MBNL1: variants seen among roughly 807,000 people sequenced by gnomAD.
MBNL1 encodes muscleblind-like protein 1.
MBNL1 carries 8 observed loss-of-function variants against 42.2 expected under a neutral mutation model. The ratio of observed to expected loss-of-function variants is 0.19; its 90% CI spans 0.11 to 0.34. The LOEUF is 0.34. Ranked by LOEUF, MBNL1 falls within the 10% of genes least tolerant of loss-of-function variation. The pLI is 1.00. For missense variants in MBNL1, 309 were observed against 495.3 expected, an observed-to-expected ratio of 0.62 and a Z score of 3.57; for synonymous variants, 169 against 173.9, an observed-to-expected ratio of 0.97 and a Z score of 0.22.
chr3:152,339,115 T>G (rs1469251176), intron 2 of MBNL1, among the ~76,000 whole-genome samples: 6 of 152,204 alleles, frequency 3.9e-5, no homozygotes, highest in Non-Finnish European at 8.8e-5. Flanking sequence ...CTGAAATTCT[T>G]AAATCCATAA....
At chr3:152,408,252 T>G (rs1223126895) in intron 2 of MBNL1, among the ~76,000 whole-genome samples, 1 of 152,178 alleles carries the variant, frequency 6.6e-6, no homozygotes, top group African/African-American at 2.4e-5. Flanking sequence ...GGATATATAC[T>G]ATGTATATTT....
At chr3:152,337,747 C>G (rs962914735) in intron 2 of MBNL1, among the ~76,000 whole-genome samples, 4 of 151,780 alleles carry the variant, frequency 2.6e-5, no homozygotes, top group Admixed American at 1.3e-4. Flanking sequence ...CACTGCTTAT[C>G]TACTTGCTTC....
At chr3:152,437,539 C>T (rs2099094975) in intron 4 of MBNL1, among the ~76,000 whole-genome samples, 1 of 152,080 alleles carries the variant, frequency 6.6e-6, no homozygotes, top group South Asian at 2.1e-4. Flanking sequence ...TCTCTAAGGT[C>T]ACTTCCAGTT....
At chr3:152,250,640 G>C (rs934075434) in intron 2 of MBNL1, among the ~76,000 whole-genome samples, 1 of 150,534 alleles carries the variant, frequency 6.6e-6, no homozygotes, top group South Asian at 2.1e-4. Context: ...GCCCTGGCCA[G>C]AACTTCCAAC....
At chr3:152,345,461 A>T (rs893651123) in intron 2 of MBNL1, among the ~76,000 whole-genome samples, 4 of 152,158 alleles carry the variant, frequency 2.6e-5, no homozygotes, top group Non-Finnish European at 2.9e-5. Flanking sequence ...AGTGTTTGGT[A>T]ATCATCACCA....
At chr3:152,424,323 A>G (rs1380220281) in intron 3 of MBNL1, among the ~76,000 whole-genome samples, 3 of 152,222 alleles carry the variant, frequency 2.0e-5, no homozygotes, top group Non-Finnish European at 4.4e-5. Context: ...CCCATTCACA[A>G]TTGCTACAAA....
At chr3:152,309,658 A>G (rs532968683) in intron 2 of MBNL1, among the ~76,000 whole-genome samples, 5 of 152,348 alleles carry the variant, frequency 3.3e-5, no homozygotes, top group Admixed American at 2.0e-4. Flanking sequence ...ATTTTCTGCA[A>G]AAATACAGAC....
rs1299296526 is a variant in MBNL1 at position 152,287,305 on chromosome 3, CAG to C, written c.-789-12097_-789-12096del. On this transcript the variant is annotated intron_variant, in intron 1 of 9. Transcript: ENST00000324210. Reference sequence around the variant, plus strand: ...TTTAAAATAATATTAATAATCATAACAGAGCTTTTTTGTAACATTTTATAAGC... The same window carrying C: ...TTTAAAATAATATTAATAATCATAACAGCTTTTTTGTAACATTTTATAAGC... Among the ~76,000 whole-genome samples the C allele has an allele frequency of 7.2e-5, 11 of 151,918 alleles. No homozygotes were observed. In the South Asian group the frequency reaches 1.5e-3, roughly 20 times the overall value.
At chr3:152,269,260 GC>G (rs1164347314) in intron 1 of MBNL1, 168 bp downstream of exon 1, 3 of 353,706 alleles carry the variant, frequency 8.5e-6, no homozygotes, top group African/African-American at 6.5e-5. Context: ...AGCACCTCCT[GC>G]CCGGGGGAAG....
intron 2 of MBNL1, among the ~76,000 whole-genome samples, chr3:152,374,131 A>T (rs1367324849): frequency 6.6e-6 from 1 of 152,240 alleles, no homozygotes. Context: ...AAGATTAAAG[A>T]TAAAAGAAAT....
intron 2 of MBNL1, chr3:152,335,172 A>C (rs2088856799): frequency 7.8e-7 from 1 of 1,289,582 alleles, no homozygotes; most frequent in African/African-American, 1.5e-5. Context: ...GCACCATGGC[A>C]AGAAGAAGCT....
intron 4 of MBNL1, among the ~76,000 whole-genome samples, chr3:152,439,905 G>A (rs1356626202): frequency 6.6e-6 from 1 of 152,110 alleles, no homozygotes; most frequent in Non-Finnish European, 1.5e-5. Context: ...GGCTAATTTG[G>A]TGTATTGACA....
At chr3:152,268,858 C>T (rs1449649158), upstream of MBNL1, 1 of 423,720 alleles carries the variant, frequency 2.4e-6, no homozygotes, top group Admixed American at 2.7e-5. Flanking sequence ...GCTGGGCGGG[C>T]GGGGGAGGGG....
chr3:152,270,341 G>A (rs1290514985), intron 1 of MBNL1, among the ~76,000 whole-genome samples: 1 of 152,052 alleles, frequency 6.6e-6, no homozygotes, highest in African/African-American at 2.4e-5. Context: ...TTAGACTTTC[G>A]AGCCCTCTGC....
intron 2 of MBNL1, among the ~76,000 whole-genome samples, chr3:152,402,049 G>T (rs1423546127): frequency 7.2e-6 from 1 of 138,576 alleles, no homozygotes; most frequent in African/African-American, 2.7e-5. Context: ...AAAAAAAAAA[G>T]ATTTACTAGA....
intron 2 of MBNL1, among the ~76,000 whole-genome samples, chr3:152,403,125 T>TGGTGTGATA (rs2098297959): frequency 6.6e-6 from 1 of 151,954 alleles, no homozygotes; most frequent in African/African-American, 2.4e-5. Context: ...TAAATGTTGT[T>TGGTGTGATA]GGTGTGATAG....
At chr3:152,289,422 G>T (rs2054519835) in intron 1 of MBNL1, among the ~76,000 whole-genome samples, 1 of 151,956 alleles carries the variant, frequency 6.6e-6, no homozygotes, top group Admixed American at 6.6e-5. Flanking sequence ...TTCTTCCAAG[G>T]ATATTTAAGT....
Position 152,464,521 on chromosome 3 carries a change from T to C in MBNL1, c.*2155T>C, listed in dbSNP as rs1026626299. On this transcript the variant is annotated 3_prime_UTR_variant, in exon 10 of 10. Transcript: ENST00000324210. ...GTAATATTTTGATGATTTATTTTGT[T>C]TGTAATTAGTTATTATAAGAAGATC... 1.3e-5 allele frequency: 2 copies of C among 152,598 alleles called. No homozygotes were observed. Among genetic ancestry groups the C allele is most frequent in the African/African-American group, 4.8e-5 (2 of 41,460 alleles). The allele number at this position is 152,598 out of a possible 1,614,324, so 9.5% of individuals were successfully genotyped here.
intron 1 of MBNL1, among the ~76,000 whole-genome samples, chr3:152,287,173 C>T (rs2052993663): frequency 6.6e-6 from 1 of 151,648 alleles, no homozygotes; most frequent in South Asian, 2.1e-4. Flanking sequence ...CGAGATCACA[C>T]CACTGCACTC....
Sources: gnomAD v4.1 joint callset for allele counts (sites outside exome capture counted in the v4.1 genomes callset) on GRCh38, gnomAD v4.1.1 for gene constraint, MANE v1.5 for transcripts, NCBI Gene and HGNC (gene_info 2026-07-23, HGNC 2026-07-21) for gene names.